Variants in REV1 observed in about 807,000 individuals in gnomAD.
The protein encoded by REV1 is translesion synthesis protein REV1.
In REV1, 42 loss-of-function variants were observed where a neutral mutation model predicts 137.4. That is an observed-to-expected ratio of 0.31 (90% CI 0.24 to 0.40). The LOEUF (loss-of-function observed/expected upper bound fraction) is 0.40, where lower values mean the gene tolerates loss of function less well. Ranked by LOEUF, REV1 falls within the 10% of genes least tolerant of loss-of-function variation. The pLI, the probability that REV1 is intolerant of heterozygous loss-of-function variation, is 1.00. For synonymous variants in REV1, 524 were observed against 519.2 expected (o/e 1.01, Z -0.12); for missense variants, 1,282 against 1,490.1 (o/e 0.86, Z 2.30).
At chr2:99,407,120 C>T (rs1362066067) in intron 15 of REV1, among the ~76,000 whole-genome samples, 3 of 88,838 alleles carry the variant, frequency 3.4e-5, no homozygotes, top group African/African-American at 7.9e-5. Flanking sequence ...GACAGAGCCT[C>T]ACTGTGTCAC....
chr2:99,488,754 G>A lies in REV1; in HGVS notation c.-11+1063C>T, dbSNP rs140366991. On this transcript the variant is annotated intron_variant, in intron 1 of 22. Transcript: ENST00000258428. Reference sequence around the variant, plus strand: ...ACAGAACTCCATAGAAAGAACCAAGGTTATGGTTGGTCCTACCCTACCTAA... The same window carrying A: ...ACAGAACTCCATAGAAAGAACCAAGATTATGGTTGGTCCTACCCTACCTAA... 5.3e-5 allele frequency among the ~76,000 whole-genome samples: 8 copies of A among 152,274 alleles called. No individual in the cohort carries two copies. In the East Asian group the frequency reaches 5.8e-4, roughly 11 times the overall value.
chr2:99,457,499 T>C (rs1683659121), intron 3 of REV1, among the ~76,000 whole-genome samples: 1 of 152,082 alleles, frequency 6.6e-6, no homozygotes, highest in Admixed American at 6.5e-5. Flanking sequence ...CTGGCCAACA[T>C]GGCGAAACCC....
intron 6 of REV1, 155 bp downstream of exon 6, chr2:99,438,446 G>T (rs559665675): frequency 6.8e-6 from 4 of 585,354 alleles, no homozygotes; most frequent in South Asian, 4.8e-5. Context: ...TAATAAATTA[G>T]CTTTCTATGT....
At chr2:99,451,056 A>G (rs577293387) in intron 3 of REV1, among the ~76,000 whole-genome samples, 2 of 152,336 alleles carry the variant, frequency 1.3e-5, no homozygotes, top group Admixed American at 1.3e-4. Flanking sequence ...ACAGCTAGCC[A>G]GTCAGGAATC....
chr2:99,462,740 A>G lies in REV1; in HGVS notation c.55-118T>C. The G allele has an allele frequency of 3.9e-6, 4 of 1,020,784 alleles. No homozygotes were observed. In the South Asian group the frequency reaches 6.1e-5, roughly 16 times the overall value. The allele number at this position is 1,020,784 out of a possible 1,614,324, so 63.2% of individuals were successfully genotyped here. On this transcript the variant is annotated intron_variant, in intron 2 of 22. Coordinates refer to ENST00000258428, the MANE Select transcript of REV1 (RefSeq NM_016316.4). ...TGGACCTTATTCTGTGCTAGTGACCAGAACATAATGATGACCTCATAAACA... is the reference window on the plus strand; with the variant it reads ...TGGACCTTATTCTGTGCTAGTGACCGGAACATAATGATGACCTCATAAACA...
intron 14 of REV1, among the ~76,000 whole-genome samples, chr2:99,409,535 G>A (rs1036685918): frequency 1.8e-4 from 27 of 152,102 alleles, no homozygotes; most frequent in African/African-American, 6.3e-4. Context: ...TAAGTAGTTG[G>A]CCCTGACATA....
At chr2:99,413,566 T>G (rs1677469189) in intron 12 of REV1, among the ~76,000 whole-genome samples, 1 of 152,104 alleles carries the variant, frequency 6.6e-6, no homozygotes, top group African/African-American at 2.4e-5. Context: ...AAAAGGATGA[T>G]CTCTCTGAAG....
Position 99,401,192 on chromosome 2 carries a change from A to T in REV1, c.*49T>A. ...ATCATGCACTTTGCAAATACCTCAC[A>T]AGCACTTATGGCACAGCTATCAGAG... On this transcript the variant is annotated 3_prime_UTR_variant, in exon 23 of 23. Coordinates refer to ENST00000258428, the MANE Select transcript of REV1 (RefSeq NM_016316.4). The T allele has an allele frequency of 8.6e-7, 1 of 1,161,296 alleles. No homozygotes were observed. The highest frequency in any genetic ancestry group is 1.3e-6 in the Non-Finnish European group (1 of 771,464). 71.9% of individuals were successfully genotyped at this position (1,161,296 alleles called of 1,614,324 possible).
At chr2:99,406,615 A>G in intron 15 of REV1, 125 bp from the exon 16 acceptor site, 1 of 741,220 alleles carries the variant, frequency 1.3e-6, no homozygotes, top group Non-Finnish European at 2.0e-6. Context: ...ATAAAGGTAA[A>G]TGAAAGTATT....
At chr2:99,440,415 A>C (rs1681334246) in intron 5 of REV1, among the ~76,000 whole-genome samples, 1 of 152,182 alleles carries the variant, frequency 6.6e-6, no homozygotes, top group South Asian at 2.1e-4. Flanking sequence ...CCCTCACCCT[A>C]ATACCAACTT....
rs1223009552 is a variant in REV1 at position 99,400,490 on chromosome 2, TTTTTA to T, written c.*746_*750del. The T allele has an allele frequency of 6.6e-6, 1 of 152,188 alleles. No homozygotes were observed. Among genetic ancestry groups the T allele is most frequent in the Non-Finnish European group, 1.5e-5 (1 of 68,030 alleles). 9.4% of individuals were successfully genotyped at this position (152,188 alleles called of 1,614,324 possible). On this transcript the variant is annotated 3_prime_UTR_variant, in exon 23 of 23. Coordinates refer to ENST00000258428, the MANE Select transcript of REV1 (RefSeq NM_016316.4). The stretch of plus-strand genomic sequence containing the variant: ...TCCACTAGCATAGAATTTTAAACTA[TTTTTA>T]TTTTAAAGTTATGGCATAACATATA...
Position 99,439,327 on chromosome 2 carries a change from T to C in REV1, c.504-17A>G, listed in dbSNP as rs540504120. 1 of 1,565,942 alleles carries C rather than the reference T, an allele frequency of 6.4e-7. No homozygotes were observed. Among genetic ancestry groups the C allele is most frequent in the East Asian group, 2.3e-5 (1 of 44,436 alleles). On this transcript the variant is annotated splice_polypyrimidine_tract_variant and intron_variant, in intron 5 of 22. Transcript: ENST00000258428. ...ATGTGATTTCTAAAGCAGGAAAAAA[T>C]TTTTGAGTTAATAATATCTGACTTT...
chr2:99,447,905 A>G (rs1456088089), intron 4 of REV1, among the ~76,000 whole-genome samples: 1 of 151,856 alleles, frequency 6.6e-6, no homozygotes, highest in Non-Finnish European at 1.5e-5. Context: ...TTTAGTACAG[A>G]CAGGGTTTCA....
chr2:99,410,421 T>C (rs1335909590), intron 14 of REV1, among the ~76,000 whole-genome samples: 1 of 152,164 alleles, frequency 6.6e-6, no homozygotes, highest in Non-Finnish European at 1.5e-5. Flanking sequence ...TTTCTTTCTG[T>C]CCATGCAGTA....
intron 9 of REV1, among the ~76,000 whole-genome samples, chr2:99,428,308 C>T (rs762660729): frequency 5.9e-5 from 9 of 152,312 alleles, no homozygotes; most frequent in Non-Finnish European, 1.2e-4. Flanking sequence ...GACTAGCCTA[C>T]TGAGCACAAC....
At position 99,448,594 on chromosome 2, in the gene REV1, T is replaced by C. The variant is rs144168807; in HGVS notation, c.350+742A>G. ...CTAGGTCCACATTATCTTGATGTAT[T>C]ACCATGCTAAAAACCTATGTGATAG... On this transcript the variant is annotated intron_variant, in intron 4 of 22. Transcript: ENST00000258428. 2.8e-4 allele frequency among the ~76,000 whole-genome samples: 42 copies of C among 152,334 alleles called. No individual in the cohort carries two copies. The East Asian group carries it at 5.6e-3, about 20-fold the overall frequency.
chr2:99,455,449 G>A (rs1425435842), intron 3 of REV1, among the ~76,000 whole-genome samples: 6 of 152,010 alleles, frequency 3.9e-5, no homozygotes, highest in African/African-American at 4.8e-5. Flanking sequence ...TAAAAGCCAC[G>A]GATACACTCA....
intron 6 of REV1, among the ~76,000 whole-genome samples, chr2:99,436,412 T>C (rs1053026310): frequency 2.0e-5 from 3 of 152,192 alleles, no homozygotes; most frequent in Non-Finnish European, 4.4e-5. Context: ...CATCTCCATC[T>C]TGTAGACTAA....
At chr2:99,489,090 A>T (rs375199587) in intron 1 of REV1, among the ~76,000 whole-genome samples, 1 of 152,224 alleles carries the variant, frequency 6.6e-6, no homozygotes, top group Non-Finnish European at 1.5e-5. Flanking sequence ...AGCGAAACAC[A>T]GCGCGGCTCG....
Sources: allele counts gnomAD v4.1 joint callset (sites outside exome capture counted in the v4.1 genomes callset), GRCh38; gene constraint gnomAD v4.1.1; transcripts MANE v1.5; gene names NCBI Gene and HGNC (gene_info 2026-07-23, HGNC 2026-07-21).